The following ARHGEF9 variants were observed in gnomAD, a reference collection of about 807,000 sequenced individuals.
The protein encoded by ARHGEF9 is rho guanine nucleotide exchange factor 9.
ARHGEF9 carries 2 observed loss-of-function variants against 41.3 expected under a neutral mutation model. That is an observed-to-expected ratio of 0.05 (90% CI 0.02 to 0.15). The LOEUF is 0.15. Ranked by LOEUF, ARHGEF9 falls within the 10% of genes least tolerant of loss-of-function variation. The probability of loss-of-function intolerance (pLI) is 1.00; values close to 1 mark genes in which losing one functional copy is unlikely to be tolerated. For synonymous variants in ARHGEF9, 160 were observed against 154.4 expected, an observed-to-expected ratio of 1.04 and a Z score of -0.27; for missense variants, 225 against 424.7, an observed-to-expected ratio of 0.53 and a Z score of 4.13.
intron 2 of ARHGEF9, among the ~76,000 whole-genome samples, chrX:63,714,668 T>C (rs1447893868): frequency 8.9e-6 from 1 of 111,836 alleles, no homozygotes; most frequent in Non-Finnish European, 1.9e-5. Flanking sequence ...CATGGGGCTG[T>C]TGTGAGGATT....
intron 1 of ARHGEF9, among the ~76,000 whole-genome samples, chrX:63,726,060 C>A (rs1427273146): frequency 3.6e-5 from 4 of 112,334 alleles, no homozygotes; most frequent in African/African-American, 1.3e-4. Flanking sequence ...CACACACATA[C>A]ACACATGCTG....
At chrX:63,768,289 A>T in intron 1 of ARHGEF9, among the ~76,000 whole-genome samples, 1 of 111,765 alleles carries the variant, frequency 8.9e-6, no homozygotes, top group Non-Finnish European at 1.9e-5. Context: ...GCTCCATCCA[A>T]GTTACTTCAA....
Position 63,678,445 on chromosome X carries a change from A to G in ARHGEF9, c.710T>C (p.Met237Thr). 8.3e-7 allele frequency: 1 copy of G among 1,206,098 alleles called. No homozygotes were observed. Among genetic ancestry groups the G allele is most frequent in the Non-Finnish European group, 1.1e-6 (1 of 892,410 alleles). The change falls in exon 5 of 10, where the codon ATG (methionine) becomes ACG (threonine). Residue 237 changes from methionine to threonine, a missense_variant. Physicochemically the swap from Met to Thr is moderately conservative, Grantham distance 81. Around this residue, in one of 3 missense-constraint regions of ARHGEF9, gnomAD observed 114 missense variants for 197.9 expected, o/e 0.58. Coordinates refer to ENST00000671741, the MANE Select transcript of ARHGEF9 (RefSeq NM_001353921.2). ...FFEACRLLQQMIDIAIDGFLL... is the reference protein window; with the variant it reads ...FFEACRLLQQTIDIAIDGFLL... ...GAAACCATCGATAGCAATGTCAATC[A>G]TCTGCTGCAAGAGGCGACAGGCCTC... is the stretch of plus-strand genomic sequence containing the variant.
chrX:63,645,734 G>A (rs1322631868), intron 8 of ARHGEF9, among the ~76,000 whole-genome samples: 1 of 111,856 alleles, frequency 8.9e-6, no homozygotes, highest in African/African-American at 3.3e-5. Flanking sequence ...AACCCTTTGG[G>A]TATATACCCA....
At chrX:63,677,945 G>A (rs1556364419) in intron 5 of ARHGEF9, among the ~76,000 whole-genome samples, 2 of 111,865 alleles carry the variant, frequency 1.8e-5, no homozygotes, top group African/African-American at 6.5e-5. Context: ...TAGCTCCATT[G>A]CTTGGTCTCC....
rs782815446 is a variant in ARHGEF9 at position 63,698,134 on chromosome X, A to T, written c.403-830T>A. 2.8e-5 allele frequency among the ~76,000 whole-genome samples: 3 copies of T among 106,036 alleles called. No homozygotes were observed. In the South Asian group the frequency reaches 1.2e-3, roughly 42 times the overall value. 92.1% of individuals were successfully genotyped at this position (106,036 alleles called of 115,157 possible). On this transcript the variant is annotated intron_variant, in intron 3 of 9. Coordinates refer to ENST00000671741, the MANE Select transcript of ARHGEF9 (RefSeq NM_001353921.2). ...TTATATATATATATATAAATTTATA[A>T]ATATATCATATATATATATATTTAT...
At chrX:63,770,805 C>T (rs1173120115) in intron 1 of ARHGEF9, among the ~76,000 whole-genome samples, 1 of 112,141 alleles carries the variant, frequency 8.9e-6, no homozygotes, top group Non-Finnish European at 1.9e-5. Flanking sequence ...GTGGTACATT[C>T]TCTTTGCCTG....
In ARHGEF9 at chrX:63,635,042, A is replaced by G; in HGVS notation, c.*2986T>C. 3.6e-6 allele frequency: 1 copy of G among 276,572 alleles called. No individual in the cohort carries two copies. The highest frequency in any genetic ancestry group is 7.4e-5 in the South Asian group (1 of 13,546). The allele number at this position is 276,572 out of a possible 1,213,427, so 22.8% of individuals were successfully genotyped here. A position where few individuals can be genotyped will look rare whatever the true frequency, so the allele number is the denominator to read the frequency against. On this transcript the variant is annotated 3_prime_UTR_variant, in exon 10 of 10. Transcript: ENST00000671741. ...GTGTCATTACAACATTTTTTTTGTT[A>G]AACATTTTTTAACACACAACTTTGA...
intron 2 of ARHGEF9, 58 bp downstream of exon 2, chrX:63,724,474 G>T: frequency 8.7e-7 from 1 of 1,155,156 alleles, no homozygotes; most frequent in Non-Finnish European, 1.2e-6. Context: ...CTGGTGAAGG[G>T]GAAGCCAGGT....
intron 4 of ARHGEF9, among the ~76,000 whole-genome samples, chrX:63,684,798 G>A (rs1329919356): frequency 9.1e-6 from 1 of 109,790 alleles, no homozygotes; most frequent in Admixed American, 9.8e-5. Flanking sequence ...AAAGAAGGAG[G>A]GAAGGAGATT....
At chrX:63,660,126 T>C (rs1209708782) in intron 7 of ARHGEF9, among the ~76,000 whole-genome samples, 4 of 111,646 alleles carry the variant, frequency 3.6e-5, no homozygotes, top group Non-Finnish European at 7.5e-5. Context: ...CAGTAGCAAA[T>C]ACACGGAGTC....
chrX:63,748,739 G>A (rs1264036079), intron 1 of ARHGEF9, among the ~76,000 whole-genome samples: 4 of 111,870 alleles, frequency 3.6e-5, no homozygotes, highest in African/African-American at 1.3e-4. Flanking sequence ...TCAGATAGGG[G>A]ACCTGGCATG....
At chrX:63,763,913 G>A (rs782059733) in intron 1 of ARHGEF9, among the ~76,000 whole-genome samples, 1 of 111,759 alleles carries the variant, frequency 8.9e-6, no homozygotes, top group South Asian at 3.8e-4. Flanking sequence ...CTGAGCCTCA[G>A]TTTCCTCATC....
chrX:63,666,612 C>T lies in ARHGEF9; in HGVS notation c.946-595G>A, dbSNP rs151083740. 1.2e-3 allele frequency among the ~76,000 whole-genome samples: 132 copies of T among 109,329 alleles called. 1 individual carries two copies. The highest frequency in any genetic ancestry group is 4.0e-3 in the African/African-American group (119 of 29,978). The allele number at this position is 109,329 out of a possible 115,157, so 94.9% of individuals were successfully genotyped here. A position where few individuals can be genotyped will look rare whatever the true frequency, so the allele number is the denominator to read the frequency against. On this transcript the variant is annotated intron_variant, in intron 6 of 9. Coordinates refer to ENST00000671741, the MANE Select transcript of ARHGEF9 (RefSeq NM_001353921.2). ...GAACAGGCCTTAATCTCACTGCCTC[C>T]CACATGAGTAGAAGGAAACGGGAGG...
chrX:63,706,358 C>T lies in ARHGEF9; in HGVS notation c.302G>A (p.Gly101Glu). ...LDPNSDCLCL[G>E]RPLQNRDQMR... ...CTGGTCCCGGTTCTGTAGTGGCCGC[C>T]CCAGACAGAGGCAGTCTGAATTGGG... Residue 101 changes from glycine to glutamate, a missense_variant, in exon 3 of 10, where the codon GGG (glycine) becomes GAG (glutamate). Coordinates refer to ENST00000671741, the MANE Select transcript of ARHGEF9 (RefSeq NM_001353921.2). 1 of 1,206,929 alleles carries T rather than the reference C, an allele frequency of 8.3e-7. No individual in the cohort carries two copies. Among genetic ancestry groups the T allele is most frequent in the Non-Finnish European group, 1.1e-6 (1 of 893,208 alleles).
At chrX:63,766,696 G>A (rs782651657) in intron 1 of ARHGEF9, among the ~76,000 whole-genome samples, 17 of 111,699 alleles carry the variant, frequency 1.5e-4, no homozygotes, top group African/African-American at 6.5e-5. Context: ...TCTTCTCAGC[G>A]TATGAACTGA....
At chrX:63,710,485 C>T (rs2052862998) in intron 2 of ARHGEF9, among the ~76,000 whole-genome samples, 1 of 110,404 alleles carries the variant, frequency 9.1e-6, no homozygotes, top group African/African-American at 3.3e-5. Context: ...CCCACCTTAC[C>T]AGATGCGATT....
At chrX:63,654,220 TAGA>T (rs1378666566) in intron 8 of ARHGEF9, among the ~76,000 whole-genome samples, 1 of 110,886 alleles carries the variant, frequency 9.0e-6, no homozygotes, top group African/African-American at 3.3e-5. Context: ...AAGTAATTTC[TAGA>T]AGCTTTTCTA....
chrX:63,687,276 A>C (rs1314198270), intron 4 of ARHGEF9, among the ~76,000 whole-genome samples: 5 of 111,599 alleles, frequency 4.5e-5, no homozygotes, highest in Non-Finnish European at 9.4e-5. Flanking sequence ...TGAAATTGAG[A>C]AAGACTATGT....
Sources: gnomAD v4.1 joint callset for allele counts (sites outside exome capture counted in the v4.1 genomes callset) on GRCh38, gnomAD v4.1.1 for gene constraint, gnomAD v4.1.1 regional missense constraint, MANE v1.5 for transcripts, NCBI Gene and HGNC (gene_info 2026-07-23, HGNC 2026-07-21) for gene names.